MIS18A: variants seen among roughly 807,000 people sequenced by gnomAD.
MIS18A encodes MIS18 kinetochore protein A, also known as protein Mis18-alpha.
In MIS18A, 14 loss-of-function variants were observed where a neutral mutation model predicts 25.0. The ratio of observed to expected loss-of-function variants is 0.56; its 90% CI spans 0.37 to 0.88. MIS18A has a LOEUF of 0.88. MIS18A is among the 40% of genes least tolerant of loss of function. The pLI is 0.00. For missense variants in MIS18A, 292 were observed against 290.8 expected (o/e 1.00, Z -0.03); for synonymous variants, 134 against 118.6 (o/e 1.13, Z -0.84).
chr21:32,181,742 A>C, the MIS18A span, among the ~76,000 whole-genome samples: 1 of 152,188 alleles, frequency 6.6e-6, no homozygotes, highest in Admixed American at 6.5e-5. Context: ...AACAGGAATG[A>C]GGGCAGTGAA....
the MIS18A span, among the ~76,000 whole-genome samples, chr21:32,166,695 T>C: frequency 6.6e-6 from 1 of 152,150 alleles, no homozygotes; most frequent in Non-Finnish European, 1.5e-5. Context: ...TAAATAAATA[T>C]GTAAATAAGG....
At chr21:32,211,408 C>T in the MIS18A span, among the ~76,000 whole-genome samples, 1 of 152,224 alleles carries the variant, frequency 6.6e-6, no homozygotes, top group Non-Finnish European at 1.5e-5. Flanking sequence ...AATCATGCCT[C>T]TCTCTTCTTT....
chr21:32,162,203 C>A, the MIS18A span, among the ~76,000 whole-genome samples: 1 of 152,054 alleles, frequency 6.6e-6, no homozygotes, highest in Non-Finnish European at 1.5e-5. Flanking sequence ...CTCTCAAAGA[C>A]GACCAAGTGA....
chr21:32,254,623 CATTA>C, the MIS18A span, among the ~76,000 whole-genome samples: 2 of 151,986 alleles, frequency 1.3e-5, no homozygotes, highest in African/African-American at 4.8e-5. Flanking sequence ...TTCAAGATTT[CATTA>C]ATTATGTCTA....
chr21:32,277,275 T>G (rs867917409), intron 1 of MIS18A, among the ~76,000 whole-genome samples: 1 of 152,162 alleles, frequency 6.6e-6, no homozygotes, highest in Non-Finnish European at 1.5e-5. Context: ...ACAAAAACAG[T>G]CTTTCTATAA....
chr21:32,204,442 A>G, the MIS18A span, among the ~76,000 whole-genome samples: 2 of 152,066 alleles, frequency 1.3e-5, no homozygotes, highest in East Asian at 3.9e-4. Flanking sequence ...GGTTGCAGTG[A>G]GCCAAGATCC....
At chr21:32,157,041 C>CTTT in the MIS18A span, among the ~76,000 whole-genome samples, 1 of 148,146 alleles carries the variant, frequency 6.8e-6, no homozygotes, top group Non-Finnish European at 1.5e-5. Flanking sequence ...CCTTTCTTTT[C>CTTT]CTTTCTTTCT....
the MIS18A span, among the ~76,000 whole-genome samples, chr21:32,231,830 G>A: frequency 1.3e-4 from 20 of 152,070 alleles, no homozygotes; most frequent in African/African-American, 3.6e-4. Context: ...GGAGAATGGC[G>A]TGAACTCAGG....
At chr21:32,203,721 ATCC>A in the MIS18A span, among the ~76,000 whole-genome samples, 1 of 144,038 alleles carries the variant, frequency 6.9e-6, no homozygotes, top group African/African-American at 2.6e-5. Context: ...GGCTCAAGTG[ATCC>A]TCCCACTTCA....
At chr21:32,266,931 A>G (rs1441218959), downstream of MIS18A, among the ~76,000 whole-genome samples, 1 of 152,032 alleles carries the variant, frequency 6.6e-6, no homozygotes, top group Admixed American at 6.6e-5. Context: ...TGCCTCAAGT[A>G]GTAGGTTTTA....
At chr21:32,263,889 T>C (rs959735874), downstream of MIS18A, among the ~76,000 whole-genome samples, 1 of 151,524 alleles carries the variant, frequency 6.6e-6, no homozygotes, top group African/African-American at 2.4e-5. Flanking sequence ...CTACCAACAG[T>C]TTAATGACCA....
At chr21:32,177,233 A>G in the MIS18A span, among the ~76,000 whole-genome samples, 2 of 152,218 alleles carry the variant, frequency 1.3e-5, no homozygotes, top group African/African-American at 4.8e-5. Context: ...AATGCAGAAA[A>G]GCATCCAATA....
downstream of MIS18A, among the ~76,000 whole-genome samples, chr21:32,265,824 A>G (rs927198539): frequency 6.6e-6 from 1 of 152,348 alleles, no homozygotes; most frequent in African/African-American, 2.4e-5. Flanking sequence ...GAGAGTCTTT[A>G]TATCTAGCTC....
chr21:32,159,911 A>G, the MIS18A span, among the ~76,000 whole-genome samples: 4 of 152,196 alleles, frequency 2.6e-5, no homozygotes, highest in Non-Finnish European at 4.4e-5. Flanking sequence ...CTTTAGAGAG[A>G]GCAGGTGGTA....
the MIS18A span, among the ~76,000 whole-genome samples, chr21:32,212,529 G>A: frequency 6.6e-6 from 1 of 152,182 alleles, no homozygotes; most frequent in Non-Finnish European, 1.5e-5. Flanking sequence ...CTGCTCAGGT[G>A]TGCCGTGACT....
chr21:32,245,911 T>C, the MIS18A span, among the ~76,000 whole-genome samples: 1 of 152,120 alleles, frequency 6.6e-6, no homozygotes, highest in African/African-American at 2.4e-5. Flanking sequence ...AGAGGTTTAA[T>C]TGGCTCACGG....
At chr21:32,207,572 C>CCTGCAGCTGTCTACGGTGGAGGGG in the MIS18A span, among the ~76,000 whole-genome samples, 41 of 152,324 alleles carry the variant, frequency 2.7e-4, 1 homozygote, top group South Asian at 8.1e-3. Context: ...TGCTAATCTG[C>CCTGCAGCTGTCTACGGTGGAGGGG]CTGCAGCTGT....
At chr21:32,275,527 C>T (rs2031793679) in intron 1 of MIS18A, among the ~76,000 whole-genome samples, 1 of 152,178 alleles carries the variant, frequency 6.6e-6, no homozygotes, top group Admixed American at 6.5e-5. Flanking sequence ...TGAACAATGA[C>T]TTGGACAGAG....
intron 2 of MIS18A, among the ~76,000 whole-genome samples, chr21:32,271,308 C>T (rs1170077743): frequency 6.6e-6 from 1 of 152,202 alleles, no homozygotes; most frequent in Non-Finnish European, 1.5e-5. Flanking sequence ...GTAAAACATA[C>T]ACCACAAACG....
Sources: allele counts gnomAD v4.1 joint callset (sites outside exome capture counted in the v4.1 genomes callset), GRCh38; gene constraint gnomAD v4.1.1; transcripts MANE v1.5; gene names NCBI Gene and HGNC (gene_info 2026-07-23, HGNC 2026-07-21).